The following SUPT3H variants were observed in gnomAD, a reference collection of about 807,000 sequenced individuals.
The protein encoded by SUPT3H is SPT3 homolog, SAGA and STAGA complex component, also known as transcription initiation protein SPT3 homolog.
Under a neutral mutation model 44.3 loss-of-function variants are expected in SUPT3H, and 44 were observed. That is an observed-to-expected ratio of 0.99 (90% CI 0.78 to 1.28). The LOEUF (loss-of-function observed/expected upper bound fraction) is 1.28. Ranked by LOEUF, SUPT3H falls within the 50% of genes most tolerant of loss-of-function variation. SUPT3H has a pLI of 0.00. For synonymous variants in SUPT3H, 124 were observed against 125.6 expected, an observed-to-expected ratio of 0.99 and a Z score of 0.09; for missense variants, 380 against 387.1, an observed-to-expected ratio of 0.98 and a Z score of 0.15.
At chr6:45,300,135 A>ATAG (rs1434326283) in intron 2 of SUPT3H, among the ~76,000 whole-genome samples, 5 of 152,200 alleles carry the variant, frequency 3.3e-5, no homozygotes, top group Admixed American at 2.0e-4. Flanking sequence ...CAAAAGCTTA[A>ATAG]TACTGTATAC....
intron 3 of SUPT3H, among the ~76,000 whole-genome samples, chr6:45,062,040 C>T (rs540749145): frequency 6.6e-6 from 1 of 151,096 alleles, no homozygotes; most frequent in Admixed American, 6.6e-5. Flanking sequence ...TGATATTAGA[C>T]ATTATCCAGT....
chr6:45,141,977 T>C (rs897729602), intron 2 of SUPT3H, among the ~76,000 whole-genome samples: 1 of 152,166 alleles, frequency 6.6e-6, no homozygotes, highest in African/African-American at 2.4e-5. Flanking sequence ...GGAAAGAATC[T>C]TAAGATCTGT....
At chr6:45,241,911 C>A (rs956398524) in intron 2 of SUPT3H, among the ~76,000 whole-genome samples, 7 of 152,148 alleles carry the variant, frequency 4.6e-5, no homozygotes, top group South Asian at 2.1e-4. Flanking sequence ...GGAAAGAACA[C>A]AAGGCAAGAA....
At chr6:44,927,673 TA>T (rs1449916176) in intron 10 of SUPT3H, among the ~76,000 whole-genome samples, 1 of 152,154 alleles carries the variant, frequency 6.6e-6, no homozygotes. Context: ...GATCAGTGAT[TA>T]AAAAAACAAT....
At chr6:45,232,285 A>T (rs1768203971) in intron 2 of SUPT3H, among the ~76,000 whole-genome samples, 1 of 152,172 alleles carries the variant, frequency 6.6e-6, no homozygotes, top group Non-Finnish European at 1.5e-5. Context: ...TGTGTGCAGT[A>T]GTGTCATCAC....
intron 3 of SUPT3H, among the ~76,000 whole-genome samples, chr6:45,060,589 A>C (rs1791837917): frequency 1.3e-5 from 2 of 152,164 alleles, no homozygotes; most frequent in African/African-American, 4.8e-5. Flanking sequence ...CAAAATTGAC[A>C]AATGGGATCT....
intron 2 of SUPT3H, among the ~76,000 whole-genome samples, chr6:45,281,449 G>A (rs4463250): frequency 0.58 from 88,533 of 151,714 alleles, 26,588 homozygotes; most frequent in African/African-American, 0.73. Flanking sequence ...ATTATATCCC[G>A]TGCCTGGCTC....
At chr6:44,887,063 G>A (rs954670739) in intron 10 of SUPT3H, among the ~76,000 whole-genome samples, 22 of 152,254 alleles carry the variant, frequency 1.4e-4, no homozygotes, top group Non-Finnish European at 2.6e-4. Flanking sequence ...AACAAGAAGA[G>A]CTAACTATAC....
chr6:44,860,274 G>A (rs149716038), intron 10 of SUPT3H, among the ~76,000 whole-genome samples: 231 of 152,188 alleles, frequency 1.5e-3, no homozygotes, highest in African/African-American at 5.2e-3. Flanking sequence ...CCACTTTTGC[G>A]TCTCTTCAGA....
intron 10 of SUPT3H, among the ~76,000 whole-genome samples, chr6:44,858,689 T>C (rs1024446960): frequency 2.0e-5 from 3 of 152,208 alleles, no homozygotes; most frequent in African/African-American, 7.2e-5. Flanking sequence ...CTGGGTAGCA[T>C]GCACCTACAT....
rs569520356 is a variant in SUPT3H, at chr6:44,899,223, A to G, written c.912+33430T>C. ...GTAGTGATGTACAATTGCCATCTTT[A>G]CAATATCCATGTGACTATTCAAAGT... On this transcript the variant is annotated intron_variant, in intron 10 of 10. Transcript: ENST00000371459. The G allele has an allele frequency of 2.6e-5, 4 of 152,366 alleles. No individual in the cohort carries two copies. The South Asian group carries it at 8.3e-4, about 32-fold the overall frequency. The allele number at this position is 152,366 out of a possible 1,614,324, so 9.4% of individuals were successfully genotyped here.
Position 45,321,757 on chromosome 6 carries a change from T to C in SUPT3H, c.101+43444A>G, listed in dbSNP as rs758592940. On this transcript the variant is annotated intron_variant, in intron 2 of 10. Transcript: ENST00000371459. ...CTCTCTTCTACCCATAAACTTGTTC[T>C]CTTGAAAAGCGATAGGAACACAATT... The C allele has an allele frequency of 4.9e-6, 7 of 1,416,220 alleles. No individual in the cohort carries two copies. The African/African-American group carries it at 7.1e-5, about 14-fold the overall frequency. The allele number at this position is 1,416,220 out of a possible 1,614,324, so 87.7% of individuals were successfully genotyped here.
intron 6 of SUPT3H, among the ~76,000 whole-genome samples, chr6:44,994,051 C>T (rs912538573): frequency 1.3e-5 from 2 of 151,902 alleles, no homozygotes; most frequent in African/African-American, 4.8e-5. Context: ...ACCAATAATC[C>T]ATTAAGAAGG....
At chr6:45,354,015 G>GA (rs1792616397) in intron 2 of SUPT3H, among the ~76,000 whole-genome samples, 1 of 152,084 alleles carries the variant, frequency 6.6e-6, no homozygotes, top group Non-Finnish European at 1.5e-5. Flanking sequence ...AAGAAAAGCT[G>GA]AAAACACAAT....
At chr6:45,371,749 A>C (rs1401930339) in intron 1 of SUPT3H, 6 of 755,626 alleles carry the variant, frequency 7.9e-6, no homozygotes, top group Non-Finnish European at 9.7e-6. Flanking sequence ...TGTTTAAAAG[A>C]AAATCTTAGG....
At chr6:44,994,387 C>G (rs1192518339) in intron 6 of SUPT3H, among the ~76,000 whole-genome samples, 1 of 152,100 alleles carries the variant, frequency 6.6e-6, no homozygotes, top group Middle Eastern at 3.2e-3. Flanking sequence ...TTGAACAGAG[C>G]GCCAAGATTC....
chr6:45,230,436 T>C (rs984296720), intron 2 of SUPT3H, among the ~76,000 whole-genome samples: 12 of 151,856 alleles, frequency 7.9e-5, no homozygotes, highest in African/African-American at 2.7e-4. Context: ...TATGTAACAA[T>C]TGTTATATGA....
intron 2 of SUPT3H, among the ~76,000 whole-genome samples, chr6:45,152,913 C>T (rs1325450441): frequency 2.0e-5 from 3 of 152,134 alleles, no homozygotes; most frequent in African/African-American, 7.2e-5. Context: ...GGTCTGGCTT[C>T]TTTGCCCTCA....
intron 3 of SUPT3H, among the ~76,000 whole-genome samples, chr6:45,051,140 C>A (rs1009400116): frequency 2.0e-5 from 3 of 152,108 alleles, no homozygotes; most frequent in Admixed American, 1.3e-4. Flanking sequence ...CCACCCGCCT[C>A]GGCCTCCCAA....
Sources: allele counts gnomAD v4.1 joint callset (sites outside exome capture counted in the v4.1 genomes callset), GRCh38; gene constraint gnomAD v4.1.1; transcripts MANE v1.5; gene names NCBI Gene and HGNC (gene_info 2026-07-23, HGNC 2026-07-21).